FARP1: variants seen among roughly 807,000 people sequenced by gnomAD.
The protein encoded by FARP1 is FERM, ARHGEF and pleckstrin domain-containing protein 1.
Under a neutral mutation model 128.8 loss-of-function variants are expected in FARP1, and 52 were observed. The ratio of observed to expected loss-of-function variants is 0.40; its 90% CI spans 0.32 to 0.51. FARP1 has a LOEUF of 0.51. Among genes scored for constraint, FARP1 ranks in the 20% least tolerant of loss-of-function variants. The pLI is 0.45. For synonymous variants in FARP1, 580 were observed against 551.8 expected, an observed-to-expected ratio of 1.05 and a Z score of -0.72; for missense variants, 1,333 against 1,367.9, an observed-to-expected ratio of 0.97 and a Z score of 0.40.
intron 2 of FARP1, among the ~76,000 whole-genome samples, chr13:98,327,333 C>A (rs1428642972): frequency 6.6e-6 from 1 of 152,046 alleles, no homozygotes; most frequent in Admixed American, 6.5e-5. Context: ...ACCCATGTTT[C>A]TTAGTATATA....
chr13:98,431,461 ATT>A (rs34662991), intron 18 of FARP1, 181 bp downstream of exon 18: 25,980 of 335,850 alleles, frequency 0.077, no homozygotes, highest in Middle Eastern at 0.095. Flanking sequence ...TTACATCTTG[ATT>A]TTTTTTTTTT....
At chr13:98,162,914 G>A (rs921730050) in intron 1 of FARP1, among the ~76,000 whole-genome samples, 1 of 152,124 alleles carries the variant, frequency 6.6e-6, no homozygotes, top group Non-Finnish European at 1.5e-5. Flanking sequence ...GCAGTGTGGC[G>A]ATTTCTCAGA....
At chr13:98,248,877 A>G (rs971660623) in intron 2 of FARP1, among the ~76,000 whole-genome samples, 1 of 152,070 alleles carries the variant, frequency 6.6e-6, no homozygotes, top group South Asian at 2.1e-4. Flanking sequence ...AGCACTGTCC[A>G]GGGTTCCTGA....
intron 1 of FARP1, among the ~76,000 whole-genome samples, chr13:98,209,349 G>C (rs1411815996): frequency 6.6e-6 from 1 of 151,916 alleles, no homozygotes; most frequent in African/African-American, 2.4e-5. Context: ...GTTTCCAGGT[G>C]AAGAAAGAGG....
intron 2 of FARP1, among the ~76,000 whole-genome samples, chr13:98,342,272 C>T (rs1482753862): frequency 1.3e-5 from 2 of 152,114 alleles, no homozygotes; most frequent in Non-Finnish European, 2.9e-5. Flanking sequence ...ACTTAATGTC[C>T]ACATAAAACC....
intron 2 of FARP1, among the ~76,000 whole-genome samples, chr13:98,264,060 G>A (rs1883995466): frequency 6.6e-6 from 1 of 152,112 alleles, no homozygotes; most frequent in Admixed American, 6.5e-5. Context: ...TTAGGCAGAG[G>A]GCACAAGGCA....
intron 2 of FARP1, 145 bp from the exon 3 acceptor site, chr13:98,343,617 C>T (rs967258676): frequency 7.7e-6 from 5 of 647,278 alleles, no homozygotes; most frequent in African/African-American, 7.3e-5. Flanking sequence ...ATGGGGCTGG[C>T]GTTCAGGGTG....
intron 13 of FARP1, chr13:98,406,592 C>G (rs932175824): frequency 4.2e-5 from 6 of 143,900 alleles, no homozygotes; most frequent in Admixed American, 3.5e-4. Flanking sequence ...GTAGTTGTTA[C>G]TGACATCTTT....
At chr13:98,230,584 G>A (rs1176821212) in intron 2 of FARP1, among the ~76,000 whole-genome samples, 1 of 152,188 alleles carries the variant, frequency 6.6e-6, no homozygotes, top group Non-Finnish European at 1.5e-5. Context: ...GTCAAAGAGT[G>A]TGGACATGAA....
At chr13:98,175,905 C>G (rs1300761862) in intron 1 of FARP1, 1 of 506,756 alleles carries the variant, frequency 2.0e-6, no homozygotes, top group Non-Finnish European at 3.5e-6. Context: ...CCCGTTAAGG[C>G]TTAATAGCAT....
At chr13:98,175,212 A>C (rs1036162539) in intron 1 of FARP1, among the ~76,000 whole-genome samples, 2 of 152,196 alleles carry the variant, frequency 1.3e-5, no homozygotes, top group South Asian at 2.1e-4. Flanking sequence ...CTCTTATGAA[A>C]ATTTACATAA....
At chr13:98,152,143 T>C (rs1473741923) in intron 1 of FARP1, among the ~76,000 whole-genome samples, 4 of 152,186 alleles carry the variant, frequency 2.6e-5, no homozygotes, top group Non-Finnish European at 4.4e-5. Context: ...CAGCCCAAAA[T>C]ATCATCAAGG....
chr13:98,420,251 A>G (rs991264226), intron 16 of FARP1, among the ~76,000 whole-genome samples: 11 of 152,336 alleles, frequency 7.2e-5, no homozygotes, highest in Non-Finnish European at 1.5e-4. Context: ...CTGCGACGAC[A>G]GCCCACAAAA....
intron 5 of FARP1, among the ~76,000 whole-genome samples, chr13:98,375,368 A>G (rs1266128959): frequency 6.6e-6 from 1 of 152,132 alleles, no homozygotes. Context: ...CTATGTTATA[A>G]ATTGGCACTT....
chr13:98,299,346 T>C (rs1322633199), intron 2 of FARP1, among the ~76,000 whole-genome samples: 1 of 152,162 alleles, frequency 6.6e-6, no homozygotes, highest in South Asian at 2.1e-4. Context: ...GAGAACAAGA[T>C]GGTTACCAGC....
chr13:98,217,483 C>A (rs1795650652), intron 2 of FARP1, among the ~76,000 whole-genome samples: 1 of 152,180 alleles, frequency 6.6e-6, no homozygotes, highest in African/African-American at 2.4e-5. Context: ...ATCCTTGTAA[C>A]TTTCTCGTGT....
chr13:98,225,578 G>A lies in FARP1; in HGVS notation c.171+12165G>A, dbSNP rs7996397. On this transcript the variant is annotated intron_variant, in intron 2 of 26. Coordinates refer to ENST00000319562, the MANE Select transcript of FARP1 (RefSeq NM_005766.4). ...CCATTTCTCTAAGGCAGACTTTCCC[G>A]TCAGGACCCTCCCCTGCCTTGTGTC... is the stretch of plus-strand genomic sequence containing the variant. 2.8e-3 allele frequency among the ~76,000 whole-genome samples: 422 copies of A among 152,182 alleles called. 2 individuals carry two copies. Among genetic ancestry groups the A allele is most frequent in the African/African-American group, 9.3e-3 (387 of 41,498 alleles).
rs140804247 is a variant in FARP1 at position 98,255,950 on chromosome 13, C to T, written c.171+42537C>T. Among the ~76,000 whole-genome samples, 28 of 152,326 alleles carry T rather than the reference C, an allele frequency of 1.8e-4. No homozygotes were observed. In the East Asian group the frequency reaches 5.0e-3, roughly 27 times the overall value. ...CCCTTCCCAGCCCCCAAATCCAGAA[C>T]AATCTGTCTGAACATTAGAAACACC... is the stretch of plus-strand genomic sequence containing the variant. On this transcript the variant is annotated intron_variant, in intron 2 of 26. Transcript: ENST00000319562.
chr13:98,238,246 C>T (rs1882550910), intron 2 of FARP1, among the ~76,000 whole-genome samples: 1 of 152,186 alleles, frequency 6.6e-6, no homozygotes, highest in African/African-American at 2.4e-5. Context: ...GTCTCTGCTG[C>T]CCTTGAGACA....
Sources: gnomAD v4.1 joint callset for allele counts (sites outside exome capture counted in the v4.1 genomes callset) on GRCh38, gnomAD v4.1.1 for gene constraint, MANE v1.5 for transcripts, NCBI Gene and HGNC (gene_info 2026-07-23, HGNC 2026-07-21) for gene names.